The following SLC9C2 variants were observed in gnomAD, a reference collection of about 807,000 sequenced individuals.
SLC9C2 encodes the protein solute carrier family 9 member C2 (putative), also known as sodium/hydrogen exchanger 11.
Under a neutral mutation model 140.2 loss-of-function variants are expected in SLC9C2, and 75 were observed. The ratio of observed to expected loss-of-function variants is 0.53; its 90% CI spans 0.44 to 0.65. The LOEUF (loss-of-function observed/expected upper bound fraction) is 0.65. Ranked by LOEUF, SLC9C2 falls within the 30% of genes least tolerant of loss-of-function variation. The pLI, the probability that SLC9C2 is intolerant of heterozygous loss-of-function variation, is 0.00. For missense variants in SLC9C2, 1,074 were observed against 1,331.8 expected (o/e 0.81, Z 3.01); for synonymous variants, 375 against 420.9 (o/e 0.89, Z 1.34).
At chr1:173,594,638 G>T (rs376095036) in intron 4 of SLC9C2, among the ~76,000 whole-genome samples, 4 of 152,076 alleles carry the variant, frequency 2.6e-5, no homozygotes, top group African/African-American at 9.7e-5. Context: ...ACTAATTTCA[G>T]GGATGGTAGT....
chr1:173,582,150 T>G, intron 6 of SLC9C2, 142 bp from the exon 7 acceptor site: 1 of 562,190 alleles, frequency 1.8e-6, no homozygotes, highest in African/African-American at 1.9e-5. Flanking sequence ...AATAGGAGTG[T>G]CTTGTGAAAG....
chr1:173,585,364 C>CA (rs1261957751), intron 5 of SLC9C2, among the ~76,000 whole-genome samples: 5 of 152,014 alleles, frequency 3.3e-5, no homozygotes, highest in African/African-American at 9.6e-5. Flanking sequence ...AGGCATTTGG[C>CA]AAAAAATAGT....
In SLC9C2 at chr1:173,500,812, G is replaced by T. The variant is rs558351877; in HGVS notation, c.*282C>A. On this transcript the variant is annotated 3_prime_UTR_variant, in exon 28 of 28. Coordinates refer to ENST00000367714, the MANE Select transcript of SLC9C2 (RefSeq NM_178527.4). ...AAATTTGCTCTTAGCTGGAAACAGGGTTTCATTTGGTAGGACATATGTTTC... is the reference window on the plus strand; with the variant it reads ...AAATTTGCTCTTAGCTGGAAACAGGTTTTCATTTGGTAGGACATATGTTTC... The T allele has an allele frequency of 1.3e-5, 3 of 225,692 alleles. No homozygotes were observed. The South Asian group carries it at 5.3e-4, about 40-fold the overall frequency. 14.0% of individuals were successfully genotyped at this position (225,692 alleles called of 1,614,324 possible).
chr1:173,513,695 C>A (rs1025786317), intron 23 of SLC9C2, among the ~76,000 whole-genome samples: 2 of 151,622 alleles, frequency 1.3e-5, no homozygotes, highest in Non-Finnish European at 2.9e-5. Flanking sequence ...CTTCCGCTAG[C>A]TTTTGGATTT....
At chr1:173,540,645 A>G (rs1159157904) in intron 13 of SLC9C2, among the ~76,000 whole-genome samples, 1 of 152,192 alleles carries the variant, frequency 6.6e-6, no homozygotes, top group East Asian at 1.9e-4. Context: ...GAAGACAGAA[A>G]ATGTACCTCA....
At chr1:173,559,247 T>A (rs1049655990) in intron 9 of SLC9C2, among the ~76,000 whole-genome samples, 1 of 152,242 alleles carries the variant, frequency 6.6e-6, no homozygotes. Context: ...AAGTTCCCTA[T>A]AAAGAGCAGT....
intron 9 of SLC9C2, among the ~76,000 whole-genome samples, chr1:173,569,924 GCCTCT>G (rs1317862000): frequency 2.6e-5 from 4 of 152,276 alleles, no homozygotes; most frequent in Non-Finnish European, 5.9e-5. Context: ...AGGCAGGAAA[GCCTCT>G]CCCTATGGCC....
chr1:173,513,272 G>A (rs1372628175), intron 23 of SLC9C2, among the ~76,000 whole-genome samples: 2 of 151,946 alleles, frequency 1.3e-5, no homozygotes, highest in East Asian at 1.9e-4. Context: ...GGTGGAATTC[G>A]GCTGTGAATC....
intron 25 of SLC9C2, among the ~76,000 whole-genome samples, chr1:173,505,892 A>G (rs1279798016): frequency 1.3e-5 from 2 of 152,008 alleles, no homozygotes; most frequent in Non-Finnish European, 2.9e-5. Flanking sequence ...CAACTTACCT[A>G]AGCTCAAGTA....
At chr1:173,505,455 C>G in intron 25 of SLC9C2, 124 bp from the exon 26 acceptor site, 1 of 672,540 alleles carries the variant, frequency 1.5e-6, no homozygotes, top group Non-Finnish European at 2.5e-6. Flanking sequence ...TCAATCTTGG[C>G]TCTATATTCT....
At chr1:173,575,456 T>C (rs933685468) in intron 8 of SLC9C2, among the ~76,000 whole-genome samples, 5 of 152,158 alleles carry the variant, frequency 3.3e-5, no homozygotes, top group Non-Finnish European at 7.4e-5. Flanking sequence ...CAAGTAGATG[T>C]TCTATGAACT....
chr1:173,532,783 A>G (rs2101990988), intron 17 of SLC9C2, among the ~76,000 whole-genome samples: 1 of 152,240 alleles, frequency 6.6e-6, no homozygotes, highest in Non-Finnish European at 1.5e-5. Flanking sequence ...ATGGTGGTTC[A>G]TGCCTGTAAT....
At chr1:173,572,768 AG>A (rs1433655554) in intron 9 of SLC9C2, among the ~76,000 whole-genome samples, 1 of 152,238 alleles carries the variant, frequency 6.6e-6, no homozygotes, top group African/African-American at 2.4e-5. Context: ...GCTTTCTCAT[AG>A]CTATTGACGA....
At chr1:173,515,089 T>C (rs938198380) in intron 23 of SLC9C2, among the ~76,000 whole-genome samples, 1 of 152,178 alleles carries the variant, frequency 6.6e-6, no homozygotes, top group Admixed American at 6.5e-5. Flanking sequence ...TTAACATTTT[T>C]TCCTTCATTT....
In SLC9C2 at chr1:173,559,143, G is replaced by A. The variant is rs574440667; in HGVS notation, c.1047-1635C>T. 1.7e-3 allele frequency among the ~76,000 whole-genome samples: 261 copies of A among 152,312 alleles called. 3 individuals carry two copies. The highest frequency in any genetic ancestry group is 0.012 in the South Asian group (59 of 4,824). On this transcript the variant is annotated intron_variant, in intron 9 of 27. Coordinates refer to ENST00000367714, the MANE Select transcript of SLC9C2 (RefSeq NM_178527.4). ...TACACATGAGCTCTCGTGGCAGAAC[G>A]AAATGTTAACTTTCAAATGGAATAA...
chr1:173,523,836 C>T lies in SLC9C2; in HGVS notation c.2640+133G>A, dbSNP rs967323919. ...AGATCTAGTCTTCCTCTAGGCTTTC[C>T]TGGGCCTCCATTTTGGCTTTCCCTG... On this transcript the variant is annotated intron_variant, in intron 21 of 27. Transcript: ENST00000367714. The T allele has an allele frequency of 2.5e-6, 3 of 1,208,404 alleles. No homozygotes were observed. The African/African-American group carries it at 4.6e-5, about 19-fold the overall frequency. The allele number at this position is 1,208,404 out of a possible 1,614,324, so 74.9% of individuals were successfully genotyped here. A position where few individuals can be genotyped will look rare whatever the true frequency, so the allele number is the denominator to read the frequency against.
intron 6 of SLC9C2, among the ~76,000 whole-genome samples, chr1:173,582,581 A>T (rs6684491): frequency 0.13 from 20,515 of 152,192 alleles, 4,567 homozygotes; most frequent in African/African-American, 0.46. Context: ...AAGCACTGCA[A>T]ACCCCTCTTT....
intron 1 of SLC9C2, among the ~76,000 whole-genome samples, chr1:173,602,233 T>C (rs1666830092): frequency 6.6e-6 from 1 of 152,164 alleles, no homozygotes; most frequent in Non-Finnish European, 1.5e-5. Context: ...AAATATTTGA[T>C]GGGCTGAACT....
intron 3 of SLC9C2, among the ~76,000 whole-genome samples, chr1:173,599,381 T>TTC (rs1666640259): frequency 9.4e-6 from 1 of 106,508 alleles, no homozygotes; most frequent in Admixed American, 8.9e-5. Context: ...TTTTTTTTTT[T>TTC]TTTTTTTTTT....
Sources: allele counts gnomAD v4.1 joint callset (sites outside exome capture counted in the v4.1 genomes callset), GRCh38; gene constraint gnomAD v4.1.1; transcripts MANE v1.5; gene names NCBI Gene and HGNC (gene_info 2026-07-23, HGNC 2026-07-21).